The following KLHDC4 variants were observed in gnomAD, a reference collection of about 807,000 sequenced individuals.
KLHDC4 encodes kelch domain containing 4, also known as kelch domain-containing protein 4.
Under a neutral mutation model 62.4 loss-of-function variants are expected in KLHDC4, and 90 were observed. The observed-to-expected ratio is 1.44, with a 90% CI of 1.22 to 1.72. The LOEUF is 1.72. KLHDC4 is among the 40% of genes most tolerant of loss of function. The pLI, the probability that KLHDC4 is intolerant of heterozygous loss-of-function variation, is 0.00. For synonymous variants in KLHDC4, 386 were observed against 284.4 expected, an observed-to-expected ratio of 1.36 and a Z score of -3.59; for missense variants, 1,025 against 699.7, an observed-to-expected ratio of 1.47 and a Z score of -5.25.
intron 6 of KLHDC4, among the ~76,000 whole-genome samples, chr16:87,730,110 C>T (rs1403417615): frequency 2.6e-5 from 4 of 152,172 alleles, no homozygotes; most frequent in Non-Finnish European, 4.4e-5. Context: ...CCTGCCACCA[C>T]GCCTGGCCAA....
At chr16:87,754,087 C>G (rs77357353) in intron 4 of KLHDC4, among the ~76,000 whole-genome samples, 3 of 151,536 alleles carry the variant, frequency 2.0e-5, no homozygotes, top group African/African-American at 7.3e-5. Context: ...TTGCAGTGAG[C>G]TGATATAATG....
At chr16:87,714,801 T>C (rs565972950) in intron 7 of KLHDC4, among the ~76,000 whole-genome samples, 2 of 152,276 alleles carry the variant, frequency 1.3e-5, no homozygotes, top group African/African-American at 2.4e-5. Flanking sequence ...ATGGCCGCGA[T>C]CACACAGTAC....
At chr16:87,751,581 AT>A (rs2043950057) in intron 4 of KLHDC4, among the ~76,000 whole-genome samples, 1 of 152,086 alleles carries the variant, frequency 6.6e-6, no homozygotes, top group Admixed American at 6.5e-5. Flanking sequence ...AATTCTTTTC[AT>A]TTTTTTCAGA....
chr16:87,739,348 C>CA lies in KLHDC4; in HGVS notation c.507-8705dup, dbSNP rs2041882973. On this transcript the variant is annotated intron_variant, in intron 5 of 11. Coordinates refer to ENST00000270583, the MANE Select transcript of KLHDC4 (RefSeq NM_017566.4). ...CACAACAGCATCTCATCCATCCACACACCAGCATCTCATCCATCCACACAC... is the reference window on the plus strand; with the variant it reads ...CACAACAGCATCTCATCCATCCACACAACCAGCATCTCATCCATCCACACAC... Among the ~76,000 whole-genome samples, 5 of 132,246 alleles carry CA rather than the reference C, an allele frequency of 3.8e-5. 1 individual carries two copies. The highest frequency in any genetic ancestry group is 5.7e-5 in the African/African-American group (2 of 35,284). 86.8% of individuals were successfully genotyped at this position (132,246 alleles called of 152,430 possible).
exon 1 of KLHDC4, chr16:87,700,690 CGG>C (rs2034100850): frequency 2.4e-5 from 3 of 124,244 alleles, no homozygotes; most frequent in Admixed American, 1.5e-4. Context: ...GGTTGGAGGG[CGG>C]AGGGAGGAGG....
rs556500415 is a variant in KLHDC4, at chr16:87,759,618, T to C, written c.191+2331A>G. Among the ~76,000 whole-genome samples, 8 of 151,276 alleles carry C rather than the reference T, an allele frequency of 5.3e-5. No homozygotes were observed. The East Asian group carries it at 1.4e-3, about 26-fold the overall frequency. Reference sequence around the variant, plus strand: ...AAAATTAGCCGGGCGTGGTGGTGCATGCCTATTGTCCCAGCTACTCCGGAG... The same window carrying C: ...AAAATTAGCCGGGCGTGGTGGTGCACGCCTATTGTCCCAGCTACTCCGGAG... On this transcript the variant is annotated intron_variant, in intron 2 of 11. Coordinates refer to ENST00000270583, the MANE Select transcript of KLHDC4 (RefSeq NM_017566.4).
intron 7 of KLHDC4, among the ~76,000 whole-genome samples, chr16:87,723,244 A>G (rs1033363618): frequency 3.3e-5 from 5 of 152,336 alleles, no homozygotes; most frequent in Non-Finnish European, 4.4e-5. Context: ...ATCTCTCGCT[A>G]ATTCTGATAA....
chr16:87,709,984 AG>A (rs1242082892), intron 9 of KLHDC4: 4 of 356,662 alleles, frequency 1.1e-5, no homozygotes, highest in African/African-American at 8.1e-5. Context: ...ACAGGGCACC[AG>A]CCCCACAGGC....
At chr16:87,708,767 A>G (rs1004240007) in intron 10 of KLHDC4, among the ~76,000 whole-genome samples, 4 of 152,228 alleles carry the variant, frequency 2.6e-5, no homozygotes, top group Admixed American at 6.5e-5. Context: ...ACAAAACAGC[A>G]AACATCCTGT....
At position 87,730,542 on chromosome 16, in the gene KLHDC4, T is replaced by C. The variant is rs374395877; in HGVS notation, c.599+10A>G. 4.4e-6 allele frequency: 7 copies of C among 1,600,458 alleles called. No homozygotes were observed. The African/African-American group carries it at 8.1e-5, about 19-fold the overall frequency. On this transcript the variant is annotated intron_variant, in intron 6 of 11. Coordinates refer to ENST00000270583, the MANE Select transcript of KLHDC4 (RefSeq NM_017566.4). ...CAGGAGAGAAAGATTTTTCCGTTCT[T>C]GGTACCAACCGTGTACTTTCATGGA...
At chr16:87,752,782 A>G (rs1233079709) in intron 4 of KLHDC4, among the ~76,000 whole-genome samples, 1 of 152,316 alleles carries the variant, frequency 6.6e-6, no homozygotes, top group Non-Finnish European at 1.5e-5. Flanking sequence ...AACACCAGGG[A>G]AAAAAATAAA....
At chr16:87,701,678 G>A (rs1358989493) in exon 1 of KLHDC4, 2 of 456,630 alleles carry the variant, frequency 4.4e-6, no homozygotes, top group Admixed American at 2.3e-5. Flanking sequence ...CTGGCATTTG[G>A]GATAAACATC....
intron 6 of KLHDC4, among the ~76,000 whole-genome samples, chr16:87,727,217 G>C (rs1264945591): frequency 6.6e-6 from 1 of 152,068 alleles, no homozygotes; most frequent in African/African-American, 2.4e-5. Context: ...TGATATGAAA[G>C]GACCACAAGC....
At chr16:87,737,856 G>A (rs1004756169) in intron 5 of KLHDC4, among the ~76,000 whole-genome samples, 1 of 152,024 alleles carries the variant, frequency 6.6e-6, no homozygotes, top group African/African-American at 2.4e-5. Flanking sequence ...CTCCCAAAGT[G>A]CTGGGATTAC....
chr16:87,706,372 G>C (rs149550519), downstream of KLHDC4, among the ~76,000 whole-genome samples: 33 of 131,614 alleles, frequency 2.5e-4, no homozygotes, highest in African/African-American at 9.0e-4. Context: ...GCAGCCCTTG[G>C]GGGGGTCGGC....
intron 5 of KLHDC4, chr16:87,739,764 G>A (rs1317104247): frequency 1.3e-5 from 2 of 152,336 alleles, no homozygotes; most frequent in African/African-American, 2.4e-5. Flanking sequence ...GAGGCCACGT[G>A]TTTTGATTCC....
chr16:87,705,790 T>G (rs2034595825), downstream of KLHDC4, among the ~76,000 whole-genome samples: 1 of 147,154 alleles, frequency 6.8e-6, no homozygotes, highest in East Asian at 2.1e-4. Flanking sequence ...GGGCAGGGCC[T>G]GGGCGGGGGC....
Position 87,708,397 on chromosome 16 carries a change from C to A in KLHDC4, c.1517G>T (p.Gly506Val). 1 of 1,611,738 alleles carries A rather than the reference C, an allele frequency of 6.2e-7. No individual in the cohort carries two copies. The highest frequency in any genetic ancestry group is 1.1e-5 in the South Asian group (1 of 91,020). Residue 506 changes from glycine to valine, a missense_variant, in exon 11 of 12, where the codon GGG becomes GTG. By Grantham distance (109) the Gly-to-Val change is moderately radical. Transcript: ENST00000270583. ...DSEEVEGAEG[G>V]VDDEDSGEES... is the part of the protein sequence containing the mutation. ...CTCTCCGCTGTCTTCGTCGTCGACCCCACCCTCGGCGCCCTCAACCTCCTC... is the reference window on the plus strand; with the variant it reads ...CTCTCCGCTGTCTTCGTCGTCGACCACACCCTCGGCGCCCTCAACCTCCTC...
Position 87,748,687 on chromosome 16 carries a change from G to A in KLHDC4, c.492C>T (p.Thr164=). 1 of 1,613,674 alleles carries A rather than the reference G, an allele frequency of 6.2e-7. No homozygotes were observed. The highest frequency in any genetic ancestry group is 8.5e-7 in the Non-Finnish European group (1 of 1,179,936). ...TGGCTTCTTACTTGACTTGTTCCCA[G>A]GTCTTGGTGGCCAAATGCAGGACCC... ...DLWVLHLATK[T]WEQVKSTGGP... The change falls in exon 5 of 12, where the codon ACC becomes ACT. Residue 164 remains threonine, a synonymous_variant. Transcript: ENST00000270583.
Sources: gnomAD v4.1 joint callset for allele counts (sites outside exome capture counted in the v4.1 genomes callset) on GRCh38, gnomAD v4.1.1 for gene constraint, MANE v1.5 for transcripts, NCBI Gene and HGNC (gene_info 2026-07-23, HGNC 2026-07-21) for gene names.